TOX: variants seen among roughly 807,000 people sequenced by gnomAD.
TOX encodes thymocyte selection associated high mobility group box.
In TOX, 11 loss-of-function variants were observed where a neutral mutation model predicts 53.7. The ratio of observed to expected loss-of-function variants is 0.20; its 90% confidence interval spans 0.13 to 0.34. TOX has a LOEUF of 0.34. TOX is among the 10% of genes least tolerant of loss of function. The pLI is 1.00. For missense variants in TOX, 570 were observed against 664.6 expected (o/e 0.86, Z 1.56); for synonymous variants, 225 against 245.3 (o/e 0.92, Z 0.77).
intron 1 of TOX, among the ~76,000 whole-genome samples, chr8:59,106,925 T>C (rs144201039): frequency 0.01 from 1,579 of 152,114 alleles, 13 homozygotes; most frequent in Admixed American, 0.021. Flanking sequence ...GCAAGCTATG[T>C]GATGTCATAA....
intron 1 of TOX, among the ~76,000 whole-genome samples, chr8:58,992,494 C>T (rs975816232): frequency 6.6e-6 from 1 of 151,912 alleles, no homozygotes; most frequent in African/African-American, 2.4e-5. Flanking sequence ...TTATTTTTTG[C>T]TTTGGGCAGC....
chr8:58,902,938 C>T (rs1407222342), intron 3 of TOX, among the ~76,000 whole-genome samples: 1 of 152,174 alleles, frequency 6.6e-6, no homozygotes, highest in Non-Finnish European at 1.5e-5. Flanking sequence ...TATTACAAAG[C>T]CTTAGAATGA....
In TOX at chr8:58,922,488, T is replaced by C. The variant is rs763720297; in HGVS notation, c.411+16814A>G. Among the ~76,000 whole-genome samples, 16 of 152,202 alleles carry C rather than the reference T, an allele frequency of 1.1e-4. 1 individual carries two copies. Among genetic ancestry groups the C allele is most frequent in the Non-Finnish European group, 1.3e-4 (9 of 68,042 alleles). Reference sequence around the variant, plus strand: ...TTTCCTATAGCCTTTAATTTTTAAATGACTTTTTAATTTATTATAGATAGG... The same window carrying C: ...TTTCCTATAGCCTTTAATTTTTAAACGACTTTTTAATTTATTATAGATAGG... On this transcript the variant is annotated intron_variant, in intron 3 of 8. Coordinates refer to ENST00000361421, the MANE Select transcript of TOX (RefSeq NM_014729.3).
intron 4 of TOX, among the ~76,000 whole-genome samples, chr8:58,841,507 C>T (rs1231594096): frequency 6.6e-6 from 1 of 152,054 alleles, no homozygotes; most frequent in Non-Finnish European, 1.5e-5. Flanking sequence ...CAACAAGGTC[C>T]ACAATGAAGA....
intron 3 of TOX, among the ~76,000 whole-genome samples, chr8:58,857,024 T>C (rs1333706160): frequency 3.3e-5 from 5 of 152,156 alleles, no homozygotes; most frequent in African/African-American, 1.2e-4. Flanking sequence ...TTATAAACTT[T>C]AAAAAGCTGG....
intron 3 of TOX, among the ~76,000 whole-genome samples, chr8:58,860,096 G>A (rs766018678): frequency 1.3e-5 from 2 of 152,102 alleles, no homozygotes; most frequent in African/African-American, 2.4e-5. Context: ...GCAATTTTAC[G>A]CCATTTTATT....
chr8:58,933,251 C>T (rs1812287953), intron 3 of TOX, among the ~76,000 whole-genome samples: 1 of 152,120 alleles, frequency 6.6e-6, no homozygotes, highest in Admixed American at 6.6e-5. Context: ...TGACTTTATA[C>T]AAGGTTGCAT....
At chr8:58,842,670 C>T (rs1483780625) in intron 4 of TOX, among the ~76,000 whole-genome samples, 1 of 152,040 alleles carries the variant, frequency 6.6e-6, no homozygotes, top group Non-Finnish European at 1.5e-5. Flanking sequence ...GGTAGGAGGA[C>T]AGTCATCCTC....
At chr8:59,062,876 C>G (rs545120788) in intron 1 of TOX, among the ~76,000 whole-genome samples, 2 of 152,206 alleles carry the variant, frequency 1.3e-5, no homozygotes, top group African/African-American at 4.8e-5. Context: ...TATCATCAAG[C>G]TTTAAGCTAG....
At chr8:58,963,274 A>G (rs28422052) in intron 1 of TOX, among the ~76,000 whole-genome samples, 2,057 of 151,770 alleles carry the variant, frequency 0.014, 58 homozygotes, top group African/African-American at 0.047. Flanking sequence ...CTTATACTGA[A>G]TCTCTTTTGA....
intron 3 of TOX, among the ~76,000 whole-genome samples, chr8:58,871,625 G>A (rs1285443733): frequency 6.6e-6 from 1 of 152,110 alleles, no homozygotes; most frequent in Non-Finnish European, 1.5e-5. Flanking sequence ...TGCTTCCCAA[G>A]TGGGCATGGG....
In TOX at chr8:59,093,434, G is replaced by A. The variant is rs527788970; in HGVS notation, c.102+25452C>T. On this transcript the variant is annotated intron_variant, in intron 1 of 8. Transcript: ENST00000361421. ...TAACATCCACTGAATGATTATTAAT[G>A]TACTTTGTTATGTGTTTTATCTGAC... Among the ~76,000 whole-genome samples, 243 of 152,330 alleles carry A rather than the reference G, an allele frequency of 1.6e-3. 1 individual carries two copies. Among genetic ancestry groups the A allele is most frequent in the Non-Finnish European group, 3.0e-3 (205 of 68,024 alleles).
chr8:59,106,303 C>G (rs76271603), intron 1 of TOX, among the ~76,000 whole-genome samples: 10,008 of 148,686 alleles, frequency 0.067, 423 homozygotes, highest in Admixed American at 0.11. Context: ...TCTAAGTACT[C>G]TTTAGGGGGG....
At chr8:59,110,496 A>C (rs1804994571) in intron 1 of TOX, among the ~76,000 whole-genome samples, 1 of 152,146 alleles carries the variant, frequency 6.6e-6, no homozygotes, top group Non-Finnish European at 1.5e-5. Flanking sequence ...CTTTAGGCCC[A>C]GTTGGCCCAT....
intron 4 of TOX, among the ~76,000 whole-genome samples, chr8:58,850,864 T>C (rs1810802208): frequency 6.6e-6 from 1 of 152,212 alleles, no homozygotes; most frequent in African/African-American, 2.4e-5. Flanking sequence ...ATGTTTACAG[T>C]TTAATTTTCC....
intron 3 of TOX, among the ~76,000 whole-genome samples, chr8:58,907,468 ACGTGTAAT>A (rs1250707274): frequency 6.6e-6 from 1 of 152,154 alleles, no homozygotes; most frequent in East Asian, 1.9e-4. Context: ...GATGGCGTGC[ACGTGTAAT>A]CTCAGCTACT....
At chr8:58,929,118 T>A (rs1812215788) in intron 3 of TOX, among the ~76,000 whole-genome samples, 1 of 152,114 alleles carries the variant, frequency 6.6e-6, no homozygotes, top group East Asian at 1.9e-4. Context: ...AAAGAGTACT[T>A]CTATTTCTCT....
At chr8:58,944,952 G>C (rs1363566317) in intron 2 of TOX, among the ~76,000 whole-genome samples, 1 of 152,136 alleles carries the variant, frequency 6.6e-6, no homozygotes, top group Non-Finnish European at 1.5e-5. Context: ...TTATTTATTT[G>C]CTCCCCATAA....
intron 3 of TOX, among the ~76,000 whole-genome samples, chr8:58,905,867 T>G (rs1245161270): frequency 6.6e-6 from 1 of 152,244 alleles, no homozygotes; most frequent in African/African-American, 2.4e-5. Context: ...AGATCGGCGA[T>G]GCATTGTCAC....
Sources: gnomAD v4.1 joint callset for allele counts (sites outside exome capture counted in the v4.1 genomes callset) on GRCh38, gnomAD v4.1.1 for gene constraint, MANE v1.5 for transcripts, NCBI Gene and HGNC (gene_info 2026-07-23, HGNC 2026-07-21) for gene names.